The following ZBTB7C variants were observed in gnomAD, a reference collection of about 807,000 sequenced individuals.
The protein encoded by ZBTB7C is zinc finger and BTB domain-containing protein 7C.
A neutral mutation model predicts 25.7 loss-of-function variants in ZBTB7C; 8 were observed. The observed-to-expected ratio is 0.31, with a 90% CI of 0.18 to 0.56. The LOEUF is 0.56. ZBTB7C is among the 20% of genes least tolerant of loss of function. The pLI, the probability that ZBTB7C is intolerant of heterozygous loss-of-function variation, is 0.91. For missense variants in ZBTB7C, 824 were observed against 855.2 expected, an observed-to-expected ratio of 0.96 and a Z score of 0.46; for synonymous variants, 394 against 369.0, an observed-to-expected ratio of 1.07 and a Z score of -0.78.
chr18:48,336,162 G>A (rs939860212), intron 2 of ZBTB7C, among the ~76,000 whole-genome samples: 3 of 152,192 alleles, frequency 2.0e-5, no homozygotes, highest in Non-Finnish European at 2.9e-5. Flanking sequence ...CTTAAATGCA[G>A]TCACCATTTC....
At position 48,028,676 on chromosome 18, in the gene ZBTB7C, A is replaced by T. The variant is rs2035601051; in HGVS notation, c.*584T>A. ...AAGGTCACAGGACAGGTCAGGGAAG[A>T]AATGGCCCGGGCCTTCCAGAGCCTG... On this transcript the variant is annotated 3_prime_UTR_variant, in exon 5 of 5. Transcript: ENST00000590800. 6.5e-6 allele frequency: 1 copy of T among 153,858 alleles called. No individual in the cohort carries two copies. The highest frequency in any genetic ancestry group is 1.4e-5 in the Non-Finnish European group (1 of 69,472). The allele number at this position is 153,858 out of a possible 1,614,324, so 9.5% of individuals were successfully genotyped here. A position where few individuals can be genotyped will look rare whatever the true frequency, so the allele number is the denominator to read the frequency against.
chr18:48,108,259 G>T (rs2039104753), intron 3 of ZBTB7C, among the ~76,000 whole-genome samples: 1 of 152,164 alleles, frequency 6.6e-6, no homozygotes, highest in Non-Finnish European at 1.5e-5. Flanking sequence ...CTTGCCTGGT[G>T]CCCTCTCTTC....
At chr18:48,105,103 T>C (rs2038983212) in intron 3 of ZBTB7C, among the ~76,000 whole-genome samples, 1 of 152,220 alleles carries the variant, frequency 6.6e-6, no homozygotes, top group African/African-American at 2.4e-5. Context: ...TTGCAAAGGA[T>C]GTATGCTCCA....
intron 2 of ZBTB7C, among the ~76,000 whole-genome samples, chr18:48,306,769 C>T (rs980667264): frequency 6.6e-6 from 1 of 152,192 alleles, no homozygotes; most frequent in African/African-American, 2.4e-5. Context: ...ACGATGCCTA[C>T]CTTTTACGTG....
chr18:48,333,592 C>T (rs2046389388), intron 2 of ZBTB7C, among the ~76,000 whole-genome samples: 1 of 152,164 alleles, frequency 6.6e-6, no homozygotes, highest in Admixed American at 6.5e-5. Flanking sequence ...TGTGACACCC[C>T]CCTCTGCATT....
intron 3 of ZBTB7C, among the ~76,000 whole-genome samples, chr18:48,164,560 C>T (rs1208496456): frequency 1.3e-5 from 2 of 152,198 alleles, no homozygotes; most frequent in Non-Finnish European, 2.9e-5. Flanking sequence ...ACCTCGTGAT[C>T]CTCCTTCTTT....
rs551202893 is a variant in ZBTB7C, at chr18:48,269,759, C to A, written c.-79+68415G>T. Among the ~76,000 whole-genome samples, 5 of 152,342 alleles carry A rather than the reference C, an allele frequency of 3.3e-5. No individual in the cohort carries two copies. In the South Asian group the frequency reaches 1.0e-3, roughly 32 times the overall value. On this transcript the variant is annotated intron_variant, in intron 2 of 4. Transcript: ENST00000590800. ...GGAGCTGAGGGGAGGAAGCCCACAG[C>A]TCAAAGGTAGAAGTCACTTTGATCG...
At chr18:48,080,830 C>T (rs375074091) in intron 3 of ZBTB7C, among the ~76,000 whole-genome samples, 14 of 152,344 alleles carry the variant, frequency 9.2e-5, no homozygotes, top group African/African-American at 3.4e-4. Flanking sequence ...CAGGTTTCCC[C>T]TGGGTCTGGC....
At chr18:48,052,563 C>T (rs1436744202) in intron 3 of ZBTB7C, among the ~76,000 whole-genome samples, 1 of 152,092 alleles carries the variant, frequency 6.6e-6, no homozygotes, top group African/African-American at 2.4e-5. Flanking sequence ...GACTTTACAC[C>T]AGGCAGAAAG....
intron 4 of ZBTB7C, among the ~76,000 whole-genome samples, chr18:48,031,179 C>T (rs797009244): frequency 2.6e-5 from 4 of 152,302 alleles, no homozygotes; most frequent in African/African-American, 9.6e-5. Flanking sequence ...CCTGGTGTCT[C>T]CTGGCCACTA....
intron 3 of ZBTB7C, among the ~76,000 whole-genome samples, chr18:48,159,388 C>T (rs2040933473): frequency 6.6e-6 from 1 of 152,170 alleles, no homozygotes; most frequent in Non-Finnish European, 1.5e-5. Flanking sequence ...ACTTACAGGA[C>T]ATTTAGCACA....
At chr18:48,164,169 G>C (rs1357776493) in intron 3 of ZBTB7C, among the ~76,000 whole-genome samples, 1 of 152,182 alleles carries the variant, frequency 6.6e-6, no homozygotes, top group Non-Finnish European at 1.5e-5. Context: ...CCAGGGGCAT[G>C]ACCCTCATGA....
chr18:48,254,511 G>C (rs922532838), intron 2 of ZBTB7C, among the ~76,000 whole-genome samples: 1 of 152,110 alleles, frequency 6.6e-6, no homozygotes, highest in African/African-American at 2.4e-5. Flanking sequence ...GCAGTCCGCC[G>C]CTTTTCCCTT....
chr18:48,067,165 A>G (rs908740520), intron 3 of ZBTB7C, among the ~76,000 whole-genome samples: 1 of 152,230 alleles, frequency 6.6e-6, no homozygotes, highest in Non-Finnish European at 1.5e-5. Flanking sequence ...ATTCCCTGCC[A>G]AAATGAATGA....
At chr18:48,210,679 A>C (rs2042682246) in intron 2 of ZBTB7C, among the ~76,000 whole-genome samples, 1 of 151,668 alleles carries the variant, frequency 6.6e-6, no homozygotes, top group Non-Finnish European at 1.5e-5. Context: ...ATTGGGAGTG[A>C]CTGCTAATGG....
intron 3 of ZBTB7C, among the ~76,000 whole-genome samples, chr18:48,144,809 A>T (rs2040452184): frequency 6.6e-6 from 1 of 152,068 alleles, no homozygotes; most frequent in Admixed American, 6.5e-5. Flanking sequence ...TCCTGATGAA[A>T]CCCAGTGCTC....
At chr18:48,103,285 G>A (rs991688148) in intron 3 of ZBTB7C, among the ~76,000 whole-genome samples, 8 of 151,764 alleles carry the variant, frequency 5.3e-5, no homozygotes, top group Non-Finnish European at 1.0e-4. Context: ...ACAAAGATTC[G>A]GGGAAAAACA....
At chr18:48,362,920 C>A (rs1387864234) in intron 1 of ZBTB7C, among the ~76,000 whole-genome samples, 1 of 152,150 alleles carries the variant, frequency 6.6e-6, no homozygotes, top group Non-Finnish European at 1.5e-5. Flanking sequence ...GGCCGCTGCA[C>A]CTGAGGGCCC....
At chr18:48,131,612 C>T (rs7243021) in intron 3 of ZBTB7C, among the ~76,000 whole-genome samples, 105,826 of 152,048 alleles carry the variant, frequency 0.7, 37,154 homozygotes, top group African/African-American at 0.78. Context: ...AATGATTTCA[C>T]TGTGGAGCTG....
Sources: gnomAD v4.1 joint callset for allele counts (sites outside exome capture counted in the v4.1 genomes callset) on GRCh38, gnomAD v4.1.1 for gene constraint, MANE v1.5 for transcripts, NCBI Gene and HGNC (gene_info 2026-07-23, HGNC 2026-07-21) for gene names.